LRP1B: variants seen among roughly 807,000 people sequenced by gnomAD.
LRP1B encodes LDL receptor related protein 1B.
LRP1B carries 217 observed loss-of-function variants against 556.6 expected under a neutral mutation model. The ratio of observed to expected loss-of-function variants is 0.39; its 90% CI spans 0.35 to 0.44. LRP1B has a LOEUF of 0.44. LRP1B is among the 20% of genes least tolerant of loss of function. The pLI is 1.00. For synonymous variants in LRP1B, 2,047 were observed against 1,865.8 expected (o/e 1.10, Z -2.50); for missense variants, 5,053 against 5,620.8 (o/e 0.90, Z 3.23).
At chr2:141,544,017 T>C (rs895506134) in intron 2 of LRP1B, among the ~76,000 whole-genome samples, 7 of 152,098 alleles carry the variant, frequency 4.6e-5, no homozygotes, top group Non-Finnish European at 8.8e-5. Flanking sequence ...TTGGAGTTGA[T>C]AACATTTTTC....
intron 82 of LRP1B, 24 bp from the exon 83 acceptor site, chr2:140,315,123 A>C (rs1266666465): frequency 6.6e-7 from 1 of 1,522,532 alleles, no homozygotes; most frequent in Middle Eastern, 1.7e-4. Context: ...GAAATGTACA[A>C]ATTAGCATGT....
intron 6 of LRP1B, among the ~76,000 whole-genome samples, chr2:141,208,713 C>T (rs1198739008): frequency 6.6e-6 from 1 of 151,140 alleles, no homozygotes; most frequent in African/African-American, 2.4e-5. Context: ...TAAAAAAATA[C>T]AAAAAATTAG....
intron 3 of LRP1B, among the ~76,000 whole-genome samples, chr2:141,292,880 A>G (rs1686031103): frequency 6.6e-6 from 1 of 152,218 alleles, no homozygotes; most frequent in Admixed American, 6.5e-5. Flanking sequence ...AAACTAAGGA[A>G]ATCTGAATAA....
intron 66 of LRP1B, among the ~76,000 whole-genome samples, chr2:140,424,793 TG>T (rs1685587788): frequency 6.6e-6 from 1 of 152,218 alleles, no homozygotes; most frequent in Non-Finnish European, 1.5e-5. Flanking sequence ...GAGGAAGTTT[TG>T]AATTGGTCAA....
At chr2:141,238,484 A>C (rs1402564263) in intron 5 of LRP1B, among the ~76,000 whole-genome samples, 4 of 152,130 alleles carry the variant, frequency 2.6e-5, no homozygotes, top group African/African-American at 9.6e-5. Context: ...TTTATTATCC[A>C]TTCAACAAAT....
intron 35 of LRP1B, among the ~76,000 whole-genome samples, chr2:140,720,204 A>T (rs1687352339): frequency 6.6e-6 from 1 of 152,038 alleles, no homozygotes. Context: ...GGCATAAAAT[A>T]TGGTGGTGAT....
intron 21 of LRP1B, among the ~76,000 whole-genome samples, chr2:140,910,806 A>G (rs1373345353): frequency 1.3e-5 from 2 of 151,882 alleles, no homozygotes; most frequent in East Asian, 3.9e-4. Context: ...AGATTTGACA[A>G]TAATGTAAGA....
At chr2:141,038,691 T>A (rs1355550783) in intron 11 of LRP1B, among the ~76,000 whole-genome samples, 2 of 152,070 alleles carry the variant, frequency 1.3e-5, no homozygotes, top group African/African-American at 4.8e-5. Context: ...CTAGACTAAC[T>A]ATATTGTATT....
At position 141,247,283 on chromosome 2, in the gene LRP1B, T is replaced by C. The variant is rs1385747647; in HGVS notation, c.535A>G (p.Ser179Gly). Residue 179 changes from serine to glycine, a missense_variant, in exon 5 of 91, where the codon AGT becomes GGT. Ser to Gly is a moderately conservative substitution (Grantham distance 56). Transcript: ENST00000389484. ...TGCATTAGGTAGCCTTCCACACAAC[T>C]GCAAGTGTAGGATCCATGTGTGTTT... Reference protein sequence around the residue: ...CRNTHGSYTCSCVEGYLMQPD... With the variant: ...CRNTHGSYTCGCVEGYLMQPD... 1 of 1,613,786 alleles carries C rather than the reference T, an allele frequency of 6.2e-7. No individual in the cohort carries two copies. Among genetic ancestry groups the C allele is most frequent in the Non-Finnish European group, 8.5e-7 (1 of 1,179,764 alleles).
intron 7 of LRP1B, among the ~76,000 whole-genome samples, chr2:141,123,739 G>A (rs1349642693): frequency 2.0e-5 from 3 of 151,998 alleles, no homozygotes; most frequent in African/African-American, 4.8e-5. Context: ...AAATTCTCAC[G>A]TTTTTGACAT....
intron 1 of LRP1B, among the ~76,000 whole-genome samples, chr2:141,838,196 A>T (rs1558909194): frequency 6.6e-6 from 1 of 152,122 alleles, no homozygotes; most frequent in Non-Finnish European, 1.5e-5. Flanking sequence ...AAGCTATCTC[A>T]CAGTCTCATG....
chr2:141,771,117 A>G (rs1170956677), intron 2 of LRP1B, among the ~76,000 whole-genome samples: 1 of 152,206 alleles, frequency 6.6e-6, no homozygotes. Flanking sequence ...TTTTTAAACA[A>G]TTGTATTACC....
At chr2:140,542,670 T>G (rs930200468) in intron 43 of LRP1B, among the ~76,000 whole-genome samples, 1 of 151,942 alleles carries the variant, frequency 6.6e-6, no homozygotes, top group Non-Finnish European at 1.5e-5. Flanking sequence ...CAGAGAGAGA[T>G]TATAGGTAGC....
chr2:141,158,577 T>A (rs919593988), intron 7 of LRP1B, among the ~76,000 whole-genome samples: 7 of 152,136 alleles, frequency 4.6e-5, no homozygotes, highest in African/African-American at 1.4e-4. Context: ...CACTAAGATA[T>A]CACTTATTCT....
rs147330372 is a variant in LRP1B, at chr2:141,024,828, C to G, written c.1790-4726G>C. 6.2e-3 allele frequency among the ~76,000 whole-genome samples: 950 copies of G among 152,002 alleles called. 14 individuals are homozygous for G. The highest frequency in any genetic ancestry group is 0.022 in the African/African-American group (920 of 41,490). ...GTCCGCAGGAGCAACTGGGAGGGGT[C>G]CATATGGATGCTTTCATATACTGTG... On this transcript the variant is annotated intron_variant, in intron 11 of 90. Coordinates refer to ENST00000389484, the MANE Select transcript of LRP1B (RefSeq NM_018557.3).
chr2:141,680,206 GTGTT>G (rs1295395552), intron 2 of LRP1B, among the ~76,000 whole-genome samples: 2 of 152,072 alleles, frequency 1.3e-5, no homozygotes, highest in Non-Finnish European at 2.9e-5. Flanking sequence ...GGTAAAGACA[GTGTT>G]TGTAGCAAAC....
chr2:141,834,339 ATACC>A (rs1277744924), intron 1 of LRP1B, among the ~76,000 whole-genome samples: 1 of 151,912 alleles, frequency 6.6e-6, no homozygotes, highest in Non-Finnish European at 1.5e-5. Flanking sequence ...AGGTATTACA[ATACC>A]TTCTCAGCCA....
At chr2:140,264,915 T>C (rs763704034) in intron 86 of LRP1B, among the ~76,000 whole-genome samples, 41 of 151,870 alleles carry the variant, frequency 2.7e-4, no homozygotes, top group Non-Finnish European at 5.7e-4. Flanking sequence ...AGTGAGCTAT[T>C]TGACCCACAG....
chr2:140,584,645 C>A (rs1681911189), intron 43 of LRP1B, among the ~76,000 whole-genome samples: 1 of 152,062 alleles, frequency 6.6e-6, no homozygotes, highest in African/African-American at 2.4e-5. Context: ...GACCATTATT[C>A]TTCTGTAAGA....
Sources: gnomAD v4.1 joint callset for allele counts (sites outside exome capture counted in the v4.1 genomes callset) on GRCh38, gnomAD v4.1.1 for gene constraint, MANE v1.5 for transcripts, NCBI Gene and HGNC (gene_info 2026-07-23, HGNC 2026-07-21) for gene names.